The following NCALD variants were observed in gnomAD, a reference collection of about 807,000 sequenced individuals.
NCALD encodes neurocalcin-delta.
NCALD carries 10 observed loss-of-function variants against 18.6 expected under a neutral mutation model. The observed-to-expected ratio is 0.54, with a 90% CI of 0.33 to 0.91. NCALD has a LOEUF of 0.91. Among genes scored for constraint, NCALD ranks in the 40% least tolerant of loss-of-function variants. The probability of loss-of-function intolerance (pLI) is 0.03; values close to 1 mark genes in which losing one functional copy is unlikely to be tolerated. For synonymous variants in NCALD, 88 were observed against 87.4 expected, an observed-to-expected ratio of 1.01 and a Z score of -0.04; for missense variants, 184 against 247.6, an observed-to-expected ratio of 0.74 and a Z score of 1.72.
At chr8:102,063,622 T>C (rs1823914955) in intron 1 of NCALD, among the ~76,000 whole-genome samples, 1 of 152,170 alleles carries the variant, frequency 6.6e-6, no homozygotes, top group African/African-American at 2.4e-5. Flanking sequence ...ACATGTCCAC[T>C]ACAGCCCCAA....
At chr8:101,807,871 A>G (rs1813161468) in intron 4 of NCALD, among the ~76,000 whole-genome samples, 1 of 152,212 alleles carries the variant, frequency 6.6e-6, no homozygotes, top group South Asian at 2.1e-4. Flanking sequence ...TTAAATTTCT[A>G]TCTCATAGTT....
intron 2 of NCALD, among the ~76,000 whole-genome samples, chr8:101,975,840 A>G (rs917254740): frequency 5.3e-5 from 8 of 151,908 alleles, no homozygotes; most frequent in Non-Finnish European, 1.0e-4. Flanking sequence ...TTTACCTTAT[A>G]TCTTCTCTTT....
intron 1 of NCALD, among the ~76,000 whole-genome samples, chr8:101,764,334 G>A (rs542399691): frequency 6.6e-6 from 1 of 152,276 alleles, no homozygotes; most frequent in Admixed American, 6.5e-5. Flanking sequence ...CCAAGAAAGT[G>A]TGGTGTCATG....
At chr8:101,868,888 T>C (rs73280843) in intron 4 of NCALD, among the ~76,000 whole-genome samples, 1,802 of 152,370 alleles carry the variant, frequency 0.012, 34 homozygotes, top group African/African-American at 0.04. Flanking sequence ...CTTCATTCTT[T>C]CATTGCTTTG....
intron 4 of NCALD, among the ~76,000 whole-genome samples, chr8:101,806,632 C>G (rs1813112002): frequency 6.6e-6 from 1 of 151,716 alleles, no homozygotes; most frequent in Non-Finnish European, 1.5e-5. Flanking sequence ...ATGAGTGAGG[C>G]TGAAAATAGT....
intron 4 of NCALD, among the ~76,000 whole-genome samples, chr8:101,851,891 C>A (rs975384902): frequency 6.6e-6 from 1 of 152,062 alleles, no homozygotes; most frequent in Non-Finnish European, 1.5e-5. Context: ...AGAGGTGGGG[C>A]TTTTCGAGAG....
intron 1 of NCALD, among the ~76,000 whole-genome samples, chr8:101,785,635 G>C (rs1812194441): frequency 6.6e-6 from 1 of 152,150 alleles, no homozygotes; most frequent in Non-Finnish European, 1.5e-5. Flanking sequence ...ACCCTGTCCT[G>C]ACTGGGTTAG....
chr8:101,838,684 T>C (rs1320365347), intron 4 of NCALD, among the ~76,000 whole-genome samples: 1 of 152,204 alleles, frequency 6.6e-6, no homozygotes, highest in Admixed American at 6.5e-5. Flanking sequence ...TCTCATGAAA[T>C]AAATTTTGGT....
chr8:101,810,727 A>G (rs1378753665), intron 4 of NCALD, among the ~76,000 whole-genome samples: 1 of 152,096 alleles, frequency 6.6e-6, no homozygotes, highest in Admixed American at 6.6e-5. Context: ...AGCTTTCCCT[A>G]AAAAAGCACA....
intron 2 of NCALD, among the ~76,000 whole-genome samples, chr8:101,716,812 T>C (rs1185407981): frequency 6.6e-6 from 1 of 152,202 alleles, no homozygotes; most frequent in Non-Finnish European, 1.5e-5. Context: ...AGGATCTTTT[T>C]AAGTGGAAGA....
At chr8:101,768,082 A>C (rs1008001237) in intron 1 of NCALD, among the ~76,000 whole-genome samples, 1 of 152,246 alleles carries the variant, frequency 6.6e-6, no homozygotes, top group Non-Finnish European at 1.5e-5. Flanking sequence ...AACATTTCAC[A>C]TGTAGTAAGG....
chr8:101,892,342 C>T (rs1160278316), intron 3 of NCALD, among the ~76,000 whole-genome samples: 1 of 146,768 alleles, frequency 6.8e-6, no homozygotes, highest in Non-Finnish European at 1.5e-5. Flanking sequence ...GAAAGGACAT[C>T]CACACCAAAA....
chr8:101,946,729 C>T (rs1819189109), intron 2 of NCALD, among the ~76,000 whole-genome samples: 1 of 115,028 alleles, frequency 8.7e-6, no homozygotes, highest in Non-Finnish European at 1.7e-5. Flanking sequence ...CAGCAGTTTA[C>T]AAATGAATAA....
intron 1 of NCALD, among the ~76,000 whole-genome samples, chr8:102,082,226 CTTTTTTT>C (rs757875219): frequency 1.4e-5 from 1 of 71,832 alleles, no homozygotes; most frequent in East Asian, 4.6e-4. Context: ...GAAGCTCTCT[CTTTTTTT>C]TTTTTTTTTT....
chr8:101,940,415 G>T (rs1468228452), intron 2 of NCALD, among the ~76,000 whole-genome samples: 8 of 152,306 alleles, frequency 5.3e-5, no homozygotes, highest in Middle Eastern at 3.4e-3. Flanking sequence ...AATGTGTATG[G>T]AAGCAAAAGA....
intron 2 of NCALD, among the ~76,000 whole-genome samples, chr8:101,989,110 A>G (rs901241852): frequency 1.3e-5 from 2 of 152,184 alleles, no homozygotes; most frequent in African/African-American, 4.8e-5. Flanking sequence ...TTGGTGCTCT[A>G]CTGGGACTGA....
intron 1 of NCALD, among the ~76,000 whole-genome samples, chr8:101,772,474 C>T (rs553009819): frequency 1.6e-4 from 25 of 152,152 alleles, no homozygotes; most frequent in Non-Finnish European, 3.4e-4. Context: ...CTTGGCTTAG[C>T]GAACTCTCCA....
At chr8:101,941,622 C>A (rs1818959295) in intron 2 of NCALD, among the ~76,000 whole-genome samples, 1 of 152,210 alleles carries the variant, frequency 6.6e-6, no homozygotes, top group African/African-American at 2.4e-5. Flanking sequence ...TTCTGTGCAT[C>A]TTTCCAACTA....
intron 2 of NCALD, among the ~76,000 whole-genome samples, chr8:101,996,264 A>G (rs2132004924): frequency 6.6e-6 from 1 of 152,382 alleles, no homozygotes; most frequent in South Asian, 2.1e-4. Context: ...TACGTATATA[A>G]GTTTCCAGGC....
Sources: allele counts gnomAD v4.1 joint callset (sites outside exome capture counted in the v4.1 genomes callset), GRCh38; gene constraint gnomAD v4.1.1; transcripts MANE v1.5; gene names NCBI Gene and HGNC (gene_info 2026-07-23, HGNC 2026-07-21).